KIFC3: variants seen among roughly 807,000 people sequenced by gnomAD.
The protein encoded by KIFC3 is kinesin family member C3, also known as kinesin-like protein KIFC3.
In KIFC3, 60 loss-of-function variants were observed where a neutral mutation model predicts 101.8. That is an observed-to-expected ratio of 0.59 (90% CI 0.48 to 0.73). The LOEUF (loss-of-function observed/expected upper bound fraction) is 0.73, where lower values mean the gene tolerates loss of function less well. Ranked by LOEUF, KIFC3 falls within the 30% of genes least tolerant of loss-of-function variation. KIFC3 has a pLI of 0.00. For missense variants in KIFC3, 966 were observed against 1,137.1 expected (o/e 0.85, Z 2.16); for synonymous variants, 476 against 482.7 (o/e 0.99, Z 0.18).
intron 12 of KIFC3, among the ~76,000 whole-genome samples, chr16:57,762,844 G>T (rs1031504455): frequency 1.3e-5 from 2 of 152,204 alleles, no homozygotes; most frequent in Admixed American, 6.5e-5. Context: ...TCCGGCCACA[G>T]GGGCCTCCTG....
chr16:57,830,816 C>T (rs1197157052), intron 1 of KIFC3, among the ~76,000 whole-genome samples: 1 of 152,040 alleles, frequency 6.6e-6, no homozygotes, highest in Non-Finnish European at 1.5e-5. Context: ...GCCAACATTC[C>T]CGGGGCCTTG....
upstream of KIFC3, chr16:57,802,551 G>A: frequency 5.1e-6 from 5 of 989,042 alleles, no homozygotes; most frequent in Non-Finnish European, 6.0e-6. The surrounding 1 kb of genome is among the most constrained non-coding windows in gnomAD (Gnocchi z 5.0). Flanking sequence ...CATGGCAACC[G>A]GCTCCGACCC....
chr16:57,764,745 A>G (rs1394810589), intron 11 of KIFC3, among the ~76,000 whole-genome samples: 1 of 150,978 alleles, frequency 6.6e-6, no homozygotes, highest in African/African-American at 2.4e-5. Flanking sequence ...AGGAAGGCCC[A>G]GGGGACTGAT....
At chr16:57,847,760 T>TTTTGTGTGTG (rs1332540576) in intron 1 of KIFC3, among the ~76,000 whole-genome samples, 6 of 139,708 alleles carry the variant, frequency 4.3e-5, no homozygotes, top group Non-Finnish European at 6.2e-5. Context: ...CCAGATGAAT[T>TTTTGTGTGTG]TGTGTGTGTG....
intron 2 of KIFC3, among the ~76,000 whole-genome samples, chr16:57,795,912 G>A (rs1490895247): frequency 4.5e-5 from 1 of 22,148 alleles, no homozygotes; most frequent in African/African-American, 1.5e-4. Flanking sequence ...TTTTTTTTTT[G>A]AGACAGGGCC....
upstream of KIFC3, chr16:57,802,880 ACT>A (rs782302712): frequency 8.1e-6 from 10 of 1,228,696 alleles, no homozygotes; most frequent in Admixed American, 9.9e-5. This position sits in a 1 kb window ranked among gnomAD's most constrained non-coding sequence, Gnocchi z 5.0. Context: ...CCACGCGAGT[ACT>A]CACACATACA....
At chr16:57,838,998 T>C (rs1322329523) in intron 1 of KIFC3, among the ~76,000 whole-genome samples, 2 of 152,274 alleles carry the variant, frequency 1.3e-5, no homozygotes, top group South Asian at 4.1e-4. Flanking sequence ...ACACAGGGCC[T>C]CTTACTAAAA....
At chr16:57,849,377 AT>A (rs1313109946) in intron 1 of KIFC3, among the ~76,000 whole-genome samples, 2 of 152,214 alleles carry the variant, frequency 1.3e-5, no homozygotes, top group African/African-American at 2.4e-5. Context: ...CATCAGATCG[AT>A]TGAGACAAAC....
intron 1 of KIFC3, chr16:57,816,130 A>G: frequency 8.8e-7 from 1 of 1,141,742 alleles, no homozygotes; most frequent in East Asian, 5.8e-5. Context: ...GAACCATTTG[A>G]CCTGCTACCT....
At chr16:57,785,930 G>A (rs974017006) in intron 3 of KIFC3, among the ~76,000 whole-genome samples, 2 of 152,006 alleles carry the variant, frequency 1.3e-5, no homozygotes, top group Admixed American at 1.3e-4. Context: ...CACTGAATAC[G>A]GCTCTCAAAG....
chr16:57,828,578 C>A (rs2149289899), intron 1 of KIFC3, among the ~76,000 whole-genome samples: 1 of 152,330 alleles, frequency 6.6e-6, no homozygotes, highest in Admixed American at 6.5e-5. Flanking sequence ...AGGGTCCCAG[C>A]CTGGGTTCTT....
chr16:57,764,782 G>T (rs1481401096), intron 11 of KIFC3, among the ~76,000 whole-genome samples: 1 of 152,062 alleles, frequency 6.6e-6, no homozygotes, highest in Non-Finnish European at 1.5e-5. Context: ...GGATGGGGAA[G>T]ATGGGCAGGG....
chr16:57,843,091 C>T (rs1339980941), intron 1 of KIFC3, among the ~76,000 whole-genome samples: 1 of 152,116 alleles, frequency 6.6e-6, no homozygotes, highest in Non-Finnish European at 1.5e-5. Context: ...CGAGATCACA[C>T]CATTGCACTC....
At position 57,795,049 on chromosome 16, in the gene KIFC3, C is replaced by T. The variant is rs782516355; in HGVS notation, c.265G>A (p.Val89Met). ...GGGCTTCCGGGGCCAGCCCAGTCCACGCTAAGGGCTCGGCACTGAGCTAGG... is the reference window on the plus strand; with the variant it reads ...GGGCTTCCGGGGCCAGCCCAGTCCATGCTAAGGGCTCGGCACTGAGCTAGG... Reference protein sequence around the residue: ...PALAQCRALSVDWAGPGSPHG... With the variant: ...PALAQCRALSMDWAGPGSPHG... Residue 89 changes from valine to methionine, a missense_variant, in exon 3 of 20, where the codon GTG (valine) becomes ATG (methionine). Transcript: ENST00000445690. 30 of 1,602,278 alleles carry T rather than the reference C, an allele frequency of 1.9e-5. No individual in the cohort carries two copies. The highest frequency in any genetic ancestry group is 2.2e-5 in the South Asian group (2 of 89,830).
At chr16:57,812,187 C>G (rs1047139628) in intron 1 of KIFC3, among the ~76,000 whole-genome samples, 3 of 151,536 alleles carry the variant, frequency 2.0e-5, no homozygotes, top group Non-Finnish European at 2.9e-5. Flanking sequence ...GGACTACAGG[C>G]GCCCGCCACC....
Position 57,758,811 on chromosome 16 carries a change from T to C in KIFC3, c.*123A>G. On this transcript the variant is annotated 3_prime_UTR_variant, in exon 20 of 20. Transcript: ENST00000445690. Reference sequence around the variant, plus strand: ...AAGAGCCTCCACTCTCGCCTCTACCTCCGGGGGTCCTGGCGCTGCAGCAGG... The same window carrying C: ...AAGAGCCTCCACTCTCGCCTCTACCCCCGGGGGTCCTGGCGCTGCAGCAGG... The C allele has an allele frequency of 6.5e-7, 1 of 1,530,612 alleles. No homozygotes were observed. Among genetic ancestry groups the C allele is most frequent in the Admixed American group, 1.7e-5 (1 of 59,890 alleles). 94.8% of individuals were successfully genotyped at this position (1,530,612 alleles called of 1,614,324 possible). A position where few individuals can be genotyped will look rare whatever the true frequency, so the allele number is the denominator to read the frequency against.
At chr16:57,816,765 G>C (rs1177643731) in intron 1 of KIFC3, 2 of 455,972 alleles carry the variant, frequency 4.4e-6, no homozygotes, top group African/African-American at 4.0e-5. Context: ...CACAGGGACA[G>C]CCACCCCTTC....
chr16:57,788,527 C>T, intron 3 of KIFC3: 5 of 1,261,498 alleles, frequency 4.0e-6, no homozygotes, highest in South Asian at 1.3e-5. Flanking sequence ...CTCCCTCCTG[C>T]GCTGGCTTCA....
chr16:57,787,915 A>C (rs1555618479), intron 3 of KIFC3, among the ~76,000 whole-genome samples: 2 of 152,218 alleles, frequency 1.3e-5, no homozygotes, highest in African/African-American at 4.8e-5. Flanking sequence ...CAGAAAGGCC[A>C]GCTCCTTTTT....
Sources: allele counts gnomAD v4.1 joint callset (sites outside exome capture counted in the v4.1 genomes callset), GRCh38; gene constraint gnomAD v4.1.1; non-coding constraint Gnocchi (gnomAD v3.1); transcripts MANE v1.5; gene names NCBI Gene and HGNC (gene_info 2026-07-23, HGNC 2026-07-21).